Variants in ENTREP2 observed in about 807,000 individuals in gnomAD.
ENTREP2 encodes endosomal transmembrane epsin interactor 2.
chr15:29,267,418 C>T, the ENTREP2 span: 1 of 152,178 alleles, frequency 6.6e-6, no homozygotes, highest in African/African-American at 2.4e-5. Flanking sequence ...TATTATATAG[C>T]TATTATTTTT....
chr15:29,349,754 CT>C, the ENTREP2 span, among the ~76,000 whole-genome samples: 1 of 152,010 alleles, frequency 6.6e-6, no homozygotes, highest in African/African-American at 2.4e-5. Context: ...AAAAATTAGC[CT>C]GGCGTGGAGG....
the ENTREP2 span, among the ~76,000 whole-genome samples, chr15:29,372,614 A>G: frequency 6.6e-6 from 1 of 152,214 alleles, no homozygotes; most frequent in African/African-American, 2.4e-5. Flanking sequence ...TATAAAATCA[A>G]TGCAATCACA....
At chr15:29,649,354 A>T in the ENTREP2 span, among the ~76,000 whole-genome samples, 1 of 152,198 alleles carries the variant, frequency 6.6e-6, no homozygotes, top group African/African-American at 2.4e-5. Context: ...TGATGAAGGA[A>T]ATGTAAAAAC....
chr15:29,454,028 A>C, the ENTREP2 span, among the ~76,000 whole-genome samples: 4 of 152,224 alleles, frequency 2.6e-5, no homozygotes, highest in African/African-American at 9.6e-5. Context: ...CAAAGGTCAC[A>C]AACACTTCTT....
chr15:29,579,408 A>G, the ENTREP2 span, among the ~76,000 whole-genome samples: 35 of 151,940 alleles, frequency 2.3e-4, 1 homozygote, highest in Admixed American at 2.2e-3. Context: ...CAAGCAAGCT[A>G]TATGTTCAGT....
At chr15:29,653,717 A>G in the ENTREP2 span, among the ~76,000 whole-genome samples, 2 of 152,190 alleles carry the variant, frequency 1.3e-5, no homozygotes, top group African/African-American at 4.8e-5. Context: ...TCTTTCCTTT[A>G]TAAGTTACCC....
chr15:29,166,925 A>G, the ENTREP2 span, among the ~76,000 whole-genome samples: 2 of 152,206 alleles, frequency 1.3e-5, no homozygotes, highest in Admixed American at 6.5e-5. Flanking sequence ...AAACTATACT[A>G]TAAGGCCAAA....
At chr15:29,241,549 G>A in the ENTREP2 span, among the ~76,000 whole-genome samples, 2 of 152,168 alleles carry the variant, frequency 1.3e-5, no homozygotes, top group South Asian at 2.1e-4. Flanking sequence ...TTTACAATGA[G>A]AATCTATTAC....
chr15:29,449,667 G>C, the ENTREP2 span, among the ~76,000 whole-genome samples: 6 of 152,114 alleles, frequency 3.9e-5, no homozygotes, highest in Non-Finnish European at 5.9e-5. Context: ...ATAGAAGTTT[G>C]TTACAACAAA....
the ENTREP2 span, among the ~76,000 whole-genome samples, chr15:29,173,720 AC>A: frequency 6.6e-6 from 1 of 152,012 alleles, no homozygotes; most frequent in Non-Finnish European, 1.5e-5. Context: ...GATTTCAGTC[AC>A]CCCAGAGGAC....
At chr15:29,201,377 TCA>T in the ENTREP2 span, among the ~76,000 whole-genome samples, 1 of 152,366 alleles carries the variant, frequency 6.6e-6, no homozygotes, top group South Asian at 2.1e-4. Context: ...GGAAAAGCAT[TCA>T]GTCTCCATTA....
the ENTREP2 span, among the ~76,000 whole-genome samples, chr15:29,633,009 C>T: frequency 1.3e-5 from 2 of 152,136 alleles, no homozygotes; most frequent in Non-Finnish European, 2.9e-5. Flanking sequence ...GATTCAGGTG[C>T]GATGTCAGGA....
At chr15:29,427,017 T>C in the ENTREP2 span, among the ~76,000 whole-genome samples, 2 of 152,204 alleles carry the variant, frequency 1.3e-5, no homozygotes, top group Non-Finnish European at 2.9e-5. Flanking sequence ...CCATGTGGCC[T>C]CCAGATGGAC....
At chr15:29,469,033 T>C in the ENTREP2 span, among the ~76,000 whole-genome samples, 776 of 152,268 alleles carry the variant, frequency 5.1e-3, 7 homozygotes, top group African/African-American at 0.018. Context: ...AGGATAAGGC[T>C]GGAAGAGCAT....
the ENTREP2 span, among the ~76,000 whole-genome samples, chr15:29,602,519 TTATTATTTTATTATTTA>T: frequency 6.6e-6 from 1 of 151,994 alleles, no homozygotes; most frequent in African/African-American, 2.4e-5. Flanking sequence ...CTGTTTTAGT[TTATTATTTTATTATTTA>T]TATTATTTTA....
At chr15:29,461,689 G>T in the ENTREP2 span, among the ~76,000 whole-genome samples, 2 of 152,030 alleles carry the variant, frequency 1.3e-5, no homozygotes, top group Admixed American at 1.3e-4. Context: ...TGGCCCTGCT[G>T]GTCTGGAACT....
At chr15:29,529,612 GC>G in the ENTREP2 span, among the ~76,000 whole-genome samples, 1 of 152,010 alleles carries the variant, frequency 6.6e-6, no homozygotes, top group Non-Finnish European at 1.5e-5. Context: ...GAATCAGCTA[GC>G]CTGGGAGGGA....
the ENTREP2 span, among the ~76,000 whole-genome samples, chr15:29,501,530 G>T: frequency 0.032 from 4,856 of 152,002 alleles, 254 homozygotes; most frequent in African/African-American, 0.11. Context: ...CTGATAAAGG[G>T]CATCCATGAA....
the ENTREP2 span, among the ~76,000 whole-genome samples, chr15:29,206,993 C>A: frequency 6.6e-6 from 1 of 152,164 alleles, no homozygotes; most frequent in East Asian, 1.9e-4. Flanking sequence ...TCAGGGCCAA[C>A]ATAGACATGC....
Sources: gnomAD v4.1 joint callset for allele counts (sites outside exome capture counted in the v4.1 genomes callset) on GRCh38, gnomAD v4.1.1 for gene constraint, MANE v1.5 for transcripts, NCBI Gene and HGNC (gene_info 2026-07-23, HGNC 2026-07-21) for gene names.